Variants in MEF2A observed in about 807,000 individuals in gnomAD.
MEF2A encodes myocyte enhancer factor 2A.
MEF2A carries 28 observed loss-of-function variants against 55.8 expected under a neutral mutation model. The ratio of observed to expected loss-of-function variants is 0.50; its 90% CI spans 0.37 to 0.69. The LOEUF is 0.69. Among genes scored for constraint, MEF2A ranks in the 30% least tolerant of loss-of-function variants. The probability of loss-of-function intolerance (pLI) is 0.00; values close to 1 mark genes in which losing one functional copy is unlikely to be tolerated. For synonymous variants in MEF2A, 239 were observed against 227.1 expected, an observed-to-expected ratio of 1.05 and a Z score of -0.47; for missense variants, 528 against 626.2, an observed-to-expected ratio of 0.84 and a Z score of 1.67.
intron 2 of MEF2A, among the ~76,000 whole-genome samples, chr15:99,632,448 G>A (rs2043097241): frequency 1.3e-5 from 2 of 152,148 alleles, no homozygotes; most frequent in Admixed American, 6.5e-5. Flanking sequence ...TTCATTGTTT[G>A]GTATGGAGGT....
At chr15:99,643,332 A>C (rs1419373352) in intron 3 of MEF2A, among the ~76,000 whole-genome samples, 1 of 152,192 alleles carries the variant, frequency 6.6e-6, no homozygotes, top group Non-Finnish European at 1.5e-5. Context: ...ACTTACTTTG[A>C]ACTGAAAACA....
chr15:99,599,118 T>TAGGTTAACATACA, intron 2 of MEF2A, among the ~76,000 whole-genome samples: 1 of 152,258 alleles, frequency 6.6e-6, no homozygotes, highest in Admixed American at 6.5e-5. Flanking sequence ...TCACAGTATC[T>TAGGTTAACATACA]CAGTAAGATG....
intron 2 of MEF2A, among the ~76,000 whole-genome samples, chr15:99,613,924 G>A (rs1174149612): frequency 6.6e-6 from 1 of 152,110 alleles, no homozygotes; most frequent in East Asian, 1.9e-4. Context: ...ATGAAATTGG[G>A]GTTAGATGGC....
Position 99,671,343 on chromosome 15 carries a change from T to C in MEF2A, c.279T>C (p.Leu93=). ...DIVETLRKKG[L]NGCESPDADD... ...TTCAGACTTTAAGAAAGAAAGGCCT[T>C]AATGGTTGTGAGAGCCCTGATGCTG... Residue 93 remains leucine, a synonymous_variant, in exon 5 of 12, where the codon CTT becomes CTC. Transcript: ENST00000557942. 6.2e-7 allele frequency: 1 copy of C among 1,611,370 alleles called. No homozygotes were observed. The highest frequency in any genetic ancestry group is 8.5e-7 in the Non-Finnish European group (1 of 1,177,820).
intron 2 of MEF2A, among the ~76,000 whole-genome samples, chr15:99,623,954 T>G (rs189066811): frequency 6.6e-6 from 1 of 152,146 alleles, no homozygotes; most frequent in East Asian, 1.9e-4. Flanking sequence ...ATTACAGGCA[T>G]GCACCACCAA....
intron 4 of MEF2A, among the ~76,000 whole-genome samples, chr15:99,652,235 G>C (rs2046970035): frequency 6.6e-6 from 1 of 152,150 alleles, no homozygotes; most frequent in South Asian, 2.1e-4. Flanking sequence ...GTTTTGAGAT[G>C]AAATTGTTCC....
intron 8 of MEF2A, among the ~76,000 whole-genome samples, chr15:99,695,541 T>TTGTGTGTGTG (rs3979129): frequency 0.038 from 5,524 of 144,838 alleles, 107 homozygotes; most frequent in African/African-American, 0.049. Flanking sequence ...ATTGTCAGAT[T>TTGTGTGTGTG]TGTGTGTGTG....
At chr15:99,632,335 C>A (rs1312424835) in intron 2 of MEF2A, among the ~76,000 whole-genome samples, 1 of 152,104 alleles carries the variant, frequency 6.6e-6, no homozygotes, top group Non-Finnish European at 1.5e-5. Flanking sequence ...CATATTTTTA[C>A]GAAAGTATAT....
chr15:99,607,290 C>T (rs953508867), intron 2 of MEF2A, among the ~76,000 whole-genome samples: 3 of 152,038 alleles, frequency 2.0e-5, no homozygotes, highest in African/African-American at 7.2e-5. Context: ...TAGGAGTGCT[C>T]ATATTCTCTT....
At chr15:99,605,365 C>T (rs1012982837) in intron 2 of MEF2A, among the ~76,000 whole-genome samples, 2 of 152,154 alleles carry the variant, frequency 1.3e-5, no homozygotes, top group Non-Finnish European at 2.9e-5. Flanking sequence ...CTTAATTCTC[C>T]TTTTCCATGT....
rs531664864 is a variant in MEF2A, at chr15:99,713,352, C to T, written c.*581C>T. On this transcript the variant is annotated 3_prime_UTR_variant, in exon 12 of 12. Coordinates refer to ENST00000557942, the MANE Select transcript of MEF2A (RefSeq NM_001319206.4). The stretch of plus-strand genomic sequence containing the variant: ...AAACAAACAAAACAAAAAAGCCCCA[C>T]ACATAACTGTTTTGCACGTGCAAAA... 2.0e-4 allele frequency: 47 copies of T among 232,070 alleles called. No individual in the cohort carries two copies. In the Admixed American group the frequency reaches 2.1e-3, roughly 10 times the overall value. The allele number at this position is 232,070 out of a possible 1,614,324, so 14.4% of individuals were successfully genotyped here.
At chr15:99,686,309 T>C (rs142676138) in intron 7 of MEF2A, among the ~76,000 whole-genome samples, 1 of 152,262 alleles carries the variant, frequency 6.6e-6, no homozygotes, top group East Asian at 1.9e-4. Context: ...CATTGTGCTG[T>C]TGTTTTATGG....
At chr15:99,622,859 G>A (rs1448987952) in intron 2 of MEF2A, among the ~76,000 whole-genome samples, 1 of 151,856 alleles carries the variant, frequency 6.6e-6, no homozygotes, top group Non-Finnish European at 1.5e-5. Context: ...CCGCCACCAT[G>A]CCCGGCTAAT....
chr15:99,578,548 G>T (rs1254883847), intron 1 of MEF2A, among the ~76,000 whole-genome samples: 3 of 152,144 alleles, frequency 2.0e-5, no homozygotes, highest in Non-Finnish European at 4.4e-5. Context: ...TTGGGGGATA[G>T]CATTTAGAAA....
At chr15:99,705,646 C>T (rs1363110662) in intron 9 of MEF2A, among the ~76,000 whole-genome samples, 1 of 152,164 alleles carries the variant, frequency 6.6e-6, no homozygotes, top group Non-Finnish European at 1.5e-5. Context: ...GGATCCTCAT[C>T]GAATGTTTGT....
chr15:99,609,159 CA>C (rs1976246258), intron 2 of MEF2A, among the ~76,000 whole-genome samples: 1 of 152,190 alleles, frequency 6.6e-6, no homozygotes, highest in Non-Finnish European at 1.5e-5. Flanking sequence ...GCCCCAGGCC[CA>C]TGTGCATGGC....
intron 1 of MEF2A, among the ~76,000 whole-genome samples, chr15:99,592,738 C>T (rs769790905): frequency 3.3e-5 from 5 of 152,106 alleles, no homozygotes; most frequent in East Asian, 3.9e-4. Flanking sequence ...CCAGATCTTG[C>T]GTGAACTCAG....
intron 2 of MEF2A, among the ~76,000 whole-genome samples, chr15:99,617,328 T>C (rs2040377641): frequency 6.6e-6 from 1 of 152,108 alleles, no homozygotes; most frequent in Non-Finnish European, 1.5e-5. Context: ...TCTAGCTTTC[T>C]GTATCATCTG....
rs2058971465 is a variant in MEF2A at position 99,714,543 on chromosome 15, A to C, written c.*1772A>C. The C allele has an allele frequency of 6.6e-6, 1 of 152,154 alleles. No individual in the cohort carries two copies. Among genetic ancestry groups the C allele is most frequent in the Non-Finnish European group, 1.5e-5 (1 of 68,022 alleles). The allele number at this position is 152,154 out of a possible 1,614,324, so 9.4% of individuals were successfully genotyped here. A position where few individuals can be genotyped will look rare whatever the true frequency, so the allele number is the denominator to read the frequency against. Reference sequence around the variant, plus strand: ...GCTGGTCCTTGGCATGACTCTTGCCATTCTAATTGGAATTAGTGCCACCCT... The same window carrying C: ...GCTGGTCCTTGGCATGACTCTTGCCCTTCTAATTGGAATTAGTGCCACCCT... On this transcript the variant is annotated 3_prime_UTR_variant, in exon 12 of 12. Coordinates refer to ENST00000557942, the MANE Select transcript of MEF2A (RefSeq NM_001319206.4).
Sources: gnomAD v4.1 joint callset for allele counts (sites outside exome capture counted in the v4.1 genomes callset) on GRCh38, gnomAD v4.1.1 for gene constraint, MANE v1.5 for transcripts, NCBI Gene and HGNC (gene_info 2026-07-23, HGNC 2026-07-21) for gene names.